GALNT7: variants seen among roughly 807,000 people sequenced by gnomAD.
GALNT7 encodes N-acetylgalactosaminyltransferase 7.
A neutral mutation model predicts 82.1 loss-of-function variants in GALNT7; 60 were observed. The observed-to-expected ratio is 0.73, with a 90% CI of 0.59 to 0.91. The LOEUF (loss-of-function observed/expected upper bound fraction) is 0.91. GALNT7 is among the 40% of genes least tolerant of loss of function. The pLI, the probability that GALNT7 is intolerant of heterozygous loss-of-function variation, is 0.00. For missense variants in GALNT7, 660 were observed against 804.2 expected (o/e 0.82, Z 2.17); for synonymous variants, 243 against 275.1 (o/e 0.88, Z 1.15).
chr4:173,207,839 T>A (rs1267551898), intron 1 of GALNT7, among the ~76,000 whole-genome samples: 1 of 152,224 alleles, frequency 6.6e-6, no homozygotes, highest in African/African-American at 2.4e-5. Flanking sequence ...CTTTTACCAA[T>A]AACTGAACAC....
rs563102408 is a variant in GALNT7 at position 173,178,052 on chromosome 4, T to TGTGTGCGCGCGC, written c.126+9092_126+9093insTGTGCGCGCGCG. Among the ~76,000 whole-genome samples the TGTGTGCGCGCGC allele has an allele frequency of 6.7e-3, 870 of 129,426 alleles. 8 individuals carry two copies. Among genetic ancestry groups the TGTGTGCGCGCGC allele is most frequent in the East Asian group, 0.04 (170 of 4,264 alleles). The allele number at this position is 129,426 out of a possible 152,430, so 84.9% of individuals were successfully genotyped here. On this transcript the variant is annotated intron_variant, in intron 1 of 11. Coordinates refer to ENST00000265000, the MANE Select transcript of GALNT7 (RefSeq NM_017423.3). ...GTGTGTGTGTGTGTGTGTGTGTGTG[T>TGTGTGCGCGCGC]GCGCGCACGCGCGTGCGCACAGACA... is the stretch of plus-strand genomic sequence containing the variant.
intron 1 of GALNT7, among the ~76,000 whole-genome samples, chr4:173,226,917 A>G (rs373795662): frequency 2.0e-5 from 3 of 152,160 alleles, no homozygotes; most frequent in Non-Finnish European, 4.4e-5. Flanking sequence ...TGTTTGTTCT[A>G]TAGTTTTTAA....
intron 2 of GALNT7, among the ~76,000 whole-genome samples, chr4:173,279,342 G>GGA (rs1736026837): frequency 6.6e-6 from 1 of 152,114 alleles, no homozygotes; most frequent in African/African-American, 2.4e-5. Flanking sequence ...ACTGTTGTGA[G>GGA]GAGAGCACCA....
intron 1 of GALNT7, among the ~76,000 whole-genome samples, chr4:173,184,870 T>C (rs932690806): frequency 3.3e-5 from 5 of 152,190 alleles, no homozygotes; most frequent in African/African-American, 9.7e-5. Flanking sequence ...TCTATGAGCA[T>C]TGGGCCACTT....
chr4:173,189,819 A>G (rs1732569108), intron 1 of GALNT7, among the ~76,000 whole-genome samples: 1 of 152,200 alleles, frequency 6.6e-6, no homozygotes, highest in African/African-American at 2.4e-5. Context: ...ACCTGCTGGG[A>G]AACATTATTT....
intron 1 of GALNT7, among the ~76,000 whole-genome samples, chr4:173,207,044 C>T (rs141189427): frequency 3.2e-4 from 49 of 152,296 alleles, no homozygotes; most frequent in African/African-American, 1.1e-3. Context: ...ATCCAACAAG[C>T]GGACTCTATA....
intron 2 of GALNT7, among the ~76,000 whole-genome samples, chr4:173,258,189 T>G (rs1735115058): frequency 6.6e-6 from 1 of 152,212 alleles, no homozygotes; most frequent in Non-Finnish European, 1.5e-5. Context: ...CAGACAATAA[T>G]GTAACCTAGA....
At chr4:173,209,808 G>A (rs560294498) in intron 1 of GALNT7, among the ~76,000 whole-genome samples, 4 of 152,266 alleles carry the variant, frequency 2.6e-5, no homozygotes, top group South Asian at 4.1e-4. Flanking sequence ...AGGTGCCTTT[G>A]TGCTCAGGCA....
chr4:173,283,993 T>C (rs1240077309), intron 2 of GALNT7, among the ~76,000 whole-genome samples: 1 of 152,356 alleles, frequency 6.6e-6, no homozygotes, highest in East Asian at 1.9e-4. Context: ...CCTTACTTAG[T>C]TGTTAAAAGC....
chr4:173,189,221 T>G (rs1260207797), intron 1 of GALNT7, among the ~76,000 whole-genome samples: 1 of 152,248 alleles, frequency 6.6e-6, no homozygotes, highest in East Asian at 1.9e-4. Context: ...CAATTAAAAA[T>G]TCTACTGATA....
intron 1 of GALNT7, among the ~76,000 whole-genome samples, chr4:173,219,834 G>A (rs1381443366): frequency 6.6e-6 from 1 of 151,786 alleles, no homozygotes; most frequent in Non-Finnish European, 1.5e-5. Context: ...CTTTTTAATG[G>A]GATTGTTTGT....
At chr4:173,266,926 T>G (rs1490507916) in intron 2 of GALNT7, among the ~76,000 whole-genome samples, 20 of 120,932 alleles carry the variant, frequency 1.7e-4, no homozygotes, top group African/African-American at 5.3e-4. Flanking sequence ...TGTGTGTGTG[T>G]GGAGGGCTGG....
Position 173,322,796 on chromosome 4 carries a change from G to A in GALNT7, c.*1079G>A, listed in dbSNP as rs538259266. 2.6e-5 allele frequency: 4 copies of A among 152,274 alleles called. No homozygotes were observed. The East Asian group carries it at 5.8e-4, about 22-fold the overall frequency. The allele number at this position is 152,274 out of a possible 1,614,324, so 9.4% of individuals were successfully genotyped here. ...AGCTGTGCAACCTGTGAAGCCAAGA[G>A]TGAACTGATGTTTCATTTATATTTT... is the stretch of plus-strand genomic sequence containing the variant. On this transcript the variant is annotated 3_prime_UTR_variant, in exon 12 of 12. Coordinates refer to ENST00000265000, the MANE Select transcript of GALNT7 (RefSeq NM_017423.3).
chr4:173,169,093 G>T, intron 1 of GALNT7, 132 bp downstream of exon 1: 1 of 771,514 alleles, frequency 1.3e-6, no homozygotes. Flanking sequence ...TGGTGCTGGC[G>T]CAGCGCGGGC....
intron 1 of GALNT7, among the ~76,000 whole-genome samples, chr4:173,227,292 G>A (rs900217424): frequency 1.3e-5 from 2 of 152,132 alleles, no homozygotes; most frequent in African/African-American, 4.8e-5. Context: ...AAAGAGCAAA[G>A]TGTAAGGTAG....
At chr4:173,315,358 G>A (rs1194747447) in intron 9 of GALNT7, among the ~76,000 whole-genome samples, 2 of 152,134 alleles carry the variant, frequency 1.3e-5, no homozygotes, top group Admixed American at 1.3e-4. Flanking sequence ...TTCTGGGCAT[G>A]TGAAGTACCT....
chr4:173,191,233 G>GC (rs991953420), intron 1 of GALNT7, among the ~76,000 whole-genome samples: 36 of 152,100 alleles, frequency 2.4e-4, no homozygotes, highest in African/African-American at 7.5e-4. Flanking sequence ...GGGATGGGGG[G>GC]GGTACTTGGC....
intron 6 of GALNT7, among the ~76,000 whole-genome samples, chr4:173,300,128 C>T (rs930308626): frequency 2.0e-5 from 3 of 152,144 alleles, no homozygotes; most frequent in African/African-American, 7.2e-5. Context: ...TATGTTTCCT[C>T]ATTGAATTTA....
intron 1 of GALNT7, among the ~76,000 whole-genome samples, chr4:173,234,568 C>T (rs1233457421): frequency 3.9e-5 from 6 of 152,162 alleles, no homozygotes; most frequent in Non-Finnish European, 8.8e-5. Flanking sequence ...ATATCCAATC[C>T]ATCATGATTG....
Sources: gnomAD v4.1 joint callset for allele counts (sites outside exome capture counted in the v4.1 genomes callset) on GRCh38, gnomAD v4.1.1 for gene constraint, MANE v1.5 for transcripts, NCBI Gene and HGNC (gene_info 2026-07-23, HGNC 2026-07-21) for gene names.